The following ATP2B2 variants were observed in gnomAD, a reference collection of about 807,000 sequenced individuals.
ATP2B2 encodes the protein plasma membrane calcium-transporting ATPase 2.
A neutral mutation model predicts 120.0 loss-of-function variants in ATP2B2; 15 were observed. The ratio of observed to expected loss-of-function variants is 0.12; its 90% CI spans 0.08 to 0.19. The LOEUF (loss-of-function observed/expected upper bound fraction) is 0.19, where lower values mean the gene tolerates loss of function less well. ATP2B2 is among the 10% of genes least tolerant of loss of function. The probability of loss-of-function intolerance (pLI) is 1.00; values close to 1 mark genes in which losing one functional copy is unlikely to be tolerated. For synonymous variants in ATP2B2, 694 were observed against 700.3 expected, an observed-to-expected ratio of 0.99 and a Z score of 0.14; for missense variants, 1,045 against 1,719.8, an observed-to-expected ratio of 0.61 and a Z score of 6.94.
intron 2 of ATP2B2, among the ~76,000 whole-genome samples, chr3:10,441,475 A>G (rs917612474): frequency 4.6e-5 from 7 of 152,134 alleles, no homozygotes; most frequent in Non-Finnish European, 8.8e-5. Context: ...CCTGACCTCA[A>G]GTGATCCACC....
chr3:10,536,919 T>C (rs570539044), intron 2 of ATP2B2, among the ~76,000 whole-genome samples: 198 of 152,340 alleles, frequency 1.3e-3, no homozygotes, highest in African/African-American at 4.7e-3. Flanking sequence ...GGTGTGAGAC[T>C]TAGGTTGAAG....
At chr3:10,648,637 A>G (rs964892078) in intron 1 of ATP2B2, among the ~76,000 whole-genome samples, 3 of 152,022 alleles carry the variant, frequency 2.0e-5, no homozygotes, top group Admixed American at 6.5e-5. Flanking sequence ...AACTCCCCCA[A>G]ACCTGGTCCT....
intron 12 of ATP2B2, among the ~76,000 whole-genome samples, chr3:10,371,005 T>G (rs1029902892): frequency 3.3e-5 from 5 of 152,186 alleles, no homozygotes; most frequent in African/African-American, 1.2e-4. Flanking sequence ...ATATTACTAC[T>G]ATTAGCAACA....
At position 10,350,355 on chromosome 3, in the gene ATP2B2, C is replaced by T. The variant is rs200602433; in HGVS notation, c.2316+43G>A. The T allele has an allele frequency of 5.1e-4, 827 of 1,613,746 alleles. 1 individual carries two copies. The highest frequency in any genetic ancestry group is 6.6e-4 in the Non-Finnish European group (782 of 1,179,740). The stretch of plus-strand genomic sequence containing the variant: ...CAGCACCCTACCTCCCAGCTCCCAT[C>T]TGAGCGCGTTCCCCTGAGGATGCTT... On this transcript the variant is annotated intron_variant, in intron 15 of 22. Coordinates refer to ENST00000360273, the MANE Select transcript of ATP2B2 (RefSeq NM_001001331.4).
At chr3:10,536,513 C>A (rs940105843) in intron 2 of ATP2B2, among the ~76,000 whole-genome samples, 4 of 151,354 alleles carry the variant, frequency 2.6e-5, no homozygotes, top group Admixed American at 2.6e-4. Flanking sequence ...TTTCCTCCTC[C>A]TCCTCCTTTC....
At chr3:10,609,021 C>T (rs1047678848) in intron 2 of ATP2B2, among the ~76,000 whole-genome samples, 10 of 152,206 alleles carry the variant, frequency 6.6e-5, no homozygotes, top group African/African-American at 1.9e-4. Flanking sequence ...AATTCCGGGC[C>T]ACCTTGAGTT....
At chr3:10,558,226 G>C (rs2067823232) in intron 2 of ATP2B2, among the ~76,000 whole-genome samples, 1 of 152,164 alleles carries the variant, frequency 6.6e-6, no homozygotes, top group Non-Finnish European at 1.5e-5. Flanking sequence ...CTCTGATGGG[G>C]CTGACCCTGT....
chr3:10,428,093 T>G (rs2063199551), intron 2 of ATP2B2, among the ~76,000 whole-genome samples: 1 of 152,266 alleles, frequency 6.6e-6, no homozygotes, highest in Admixed American at 6.5e-5. Flanking sequence ...GCCTTGATGC[T>G]GGGCTCAGGG....
intron 1 of ATP2B2, among the ~76,000 whole-genome samples, chr3:10,504,787 T>C (rs975724553): frequency 6.6e-6 from 1 of 152,116 alleles, no homozygotes; most frequent in African/African-American, 2.4e-5. Flanking sequence ...AGTGGGCTTC[T>C]GGGCAGAGGG....
chr3:10,574,336 G>T (rs948024827), intron 2 of ATP2B2, among the ~76,000 whole-genome samples: 1 of 152,154 alleles, frequency 6.6e-6, no homozygotes, highest in Non-Finnish European at 1.5e-5. Flanking sequence ...GCTGTGCCCC[G>T]GGAGGCCCCC....
chr3:10,412,173 G>A (rs2062633061), intron 2 of ATP2B2, among the ~76,000 whole-genome samples: 1 of 152,174 alleles, frequency 6.6e-6, no homozygotes. Context: ...TCCCTGCTCT[G>A]GCACTGGCCA....
At chr3:10,407,234 T>C (rs1386403710) in intron 3 of ATP2B2, among the ~76,000 whole-genome samples, 1 of 152,178 alleles carries the variant, frequency 6.6e-6, no homozygotes, top group African/African-American at 2.4e-5. Context: ...AGCTCAGGGC[T>C]GAGGATGTCC....
intron 1 of ATP2B2, among the ~76,000 whole-genome samples, chr3:10,488,288 T>TACAC (rs2065787713): frequency 1.8e-5 from 2 of 113,894 alleles, no homozygotes; most frequent in African/African-American, 7.1e-5. Context: ...CATGCATCCA[T>TACAC]CCACCCACCC....
chr3:10,378,392 G>C lies in ATP2B2; in HGVS notation c.1061C>G (p.Ala354Gly), dbSNP rs1258281902. 1 of 1,602,634 alleles carries C rather than the reference G, an allele frequency of 6.2e-7. No individual in the cohort carries two copies. Among genetic ancestry groups the C allele is most frequent in the Non-Finnish European group, 8.5e-7 (1 of 1,179,974 alleles). Reference sequence around the variant, plus strand: ...GAGGGGCTGCATCTCCATGGCGGCTGCCCCGTCCTGTTGTTTGGCTGCAGG... The same window carrying C: ...GAGGGGCTGCATCTCCATGGCGGCTCCCCCGTCCTGTTGTTTGGCTGCAGG... Reference protein sequence around the residue: ...SQSKAKQQDGAAAMEMQPLKS... With the variant: ...SQSKAKQQDGGAAMEMQPLKS... The change falls in exon 10 of 23, where the codon GCA (alanine) becomes GGA (glycine). Residue 354 changes from alanine to glycine, a missense_variant. Ala to Gly is a moderately conservative substitution (Grantham distance 60). This residue lies in a region of ATP2B2 where 145 missense variants were observed against 202.0 expected (regional missense o/e 0.72). Transcript: ENST00000360273.
At chr3:10,486,148 C>T (rs1283417801) in intron 1 of ATP2B2, among the ~76,000 whole-genome samples, 4 of 152,164 alleles carry the variant, frequency 2.6e-5, no homozygotes, top group Non-Finnish European at 5.9e-5. Flanking sequence ...TTGTGGGTGC[C>T]CGCTCATCGA....
intron 2 of ATP2B2, among the ~76,000 whole-genome samples, chr3:10,580,007 G>T (rs976994332): frequency 6.6e-6 from 1 of 152,150 alleles, no homozygotes; most frequent in African/African-American, 2.4e-5. Context: ...AAGGGATTCA[G>T]AATGCAGTGA....
chr3:10,481,616 C>T (rs181818664), intron 1 of ATP2B2, among the ~76,000 whole-genome samples: 87 of 152,338 alleles, frequency 5.7e-4, no homozygotes, highest in Non-Finnish European at 1.0e-3. Context: ...TGCAATGGCA[C>T]AATCTCTGCC....
intron 2 of ATP2B2, among the ~76,000 whole-genome samples, chr3:10,586,365 A>C (rs1186924312): frequency 1.3e-5 from 2 of 152,218 alleles, no homozygotes; most frequent in African/African-American, 4.8e-5. Context: ...TCCTTGGGTC[A>C]TCTCATCTGA....
At chr3:10,513,565 C>T (rs1014436872) in intron 3 of ATP2B2, among the ~76,000 whole-genome samples, 6 of 152,180 alleles carry the variant, frequency 3.9e-5, no homozygotes, top group Non-Finnish European at 8.8e-5. Context: ...GCAGCACAGT[C>T]ATGTCTTGCC....
Sources: allele counts gnomAD v4.1 joint callset (sites outside exome capture counted in the v4.1 genomes callset), GRCh38; gene constraint gnomAD v4.1.1; regional missense constraint gnomAD v4.1.1; transcripts MANE v1.5; gene names NCBI Gene and HGNC (gene_info 2026-07-23, HGNC 2026-07-21).